ADGRE1: variants seen among roughly 807,000 people sequenced by gnomAD.
The protein encoded by ADGRE1 is EGF-like module receptor 1.
A neutral mutation model predicts 102.7 loss-of-function variants in ADGRE1; 82 were observed. That is an observed-to-expected ratio of 0.80 (90% CI 0.67 to 0.96). ADGRE1 has a LOEUF of 0.96. ADGRE1 is among the 40% of genes least tolerant of loss of function. ADGRE1 has a pLI of 0.00. For synonymous variants in ADGRE1, 398 were observed against 399.6 expected, an observed-to-expected ratio of 1.00 and a Z score of 0.05; for missense variants, 1,032 against 1,085.3, an observed-to-expected ratio of 0.95 and a Z score of 0.69.
intron 17 of ADGRE1, among the ~76,000 whole-genome samples, chr19:6,929,036 T>G (rs1433407029): frequency 6.6e-6 from 1 of 152,154 alleles, no homozygotes; most frequent in Non-Finnish European, 1.5e-5. Context: ...TGTTTTTCCT[T>G]CTGAAAGGCA....
intron 5 of ADGRE1, 148 bp from the exon 6 acceptor site, chr19:6,901,727 G>A (rs747787708): frequency 1.2e-6 from 1 of 843,960 alleles, no homozygotes; most frequent in Non-Finnish European, 1.9e-6. Flanking sequence ...GTCCCACTGT[G>A]TGCCTGGGAA....
In ADGRE1 at chr19:6,887,715, G is replaced by C. The variant is rs150710452; in HGVS notation, c.31+76G>C. On this transcript the variant is annotated intron_variant, in intron 1 of 20. Coordinates refer to ENST00000312053, the MANE Select transcript of ADGRE1 (RefSeq NM_001974.5). ...ACTTCAGGAGAAATGGGAGGGCCAT[G>C]GATGGTCCAGCCAAGAGATCATAAG... is the stretch of plus-strand genomic sequence containing the variant. The C allele has an allele frequency of 1.4e-4, 209 of 1,496,064 alleles. No homozygotes were observed. In the East Asian group the frequency reaches 3.4e-3, roughly 24 times the overall value. The allele number at this position is 1,496,064 out of a possible 1,614,324, so 92.7% of individuals were successfully genotyped here.
At chr19:6,905,234 G>A (rs572755763) in intron 8 of ADGRE1, among the ~76,000 whole-genome samples, 57 of 152,234 alleles carry the variant, frequency 3.7e-4, no homozygotes, top group Admixed American at 1.6e-3. Flanking sequence ...TGTAGTCCTA[G>A]CTACTCAGGA....
At chr19:6,934,896 C>A (rs1026674621) in intron 17 of ADGRE1, 91 bp from the exon 18 acceptor site, 7 of 821,498 alleles carry the variant, frequency 8.5e-6, no homozygotes, top group Non-Finnish European at 1.2e-5. Flanking sequence ...CGTGAGCCAC[C>A]ACGCCCAGCC....
chr19:6,932,283 A>G (rs938557889), intron 17 of ADGRE1, among the ~76,000 whole-genome samples: 2 of 151,986 alleles, frequency 1.3e-5, no homozygotes, highest in African/African-American at 2.4e-5. Flanking sequence ...CCTGGCTAAC[A>G]TGGTGAAACC....
intron 5 of ADGRE1, among the ~76,000 whole-genome samples, chr19:6,899,910 G>A (rs1299788849): frequency 6.6e-6 from 1 of 151,486 alleles, no homozygotes. Context: ...GGCTAACAAG[G>A]TGAAACCCCG....
chr19:6,892,775 C>T (rs1438557722), intron 2 of ADGRE1, among the ~76,000 whole-genome samples: 3 of 152,130 alleles, frequency 2.0e-5, no homozygotes, highest in East Asian at 1.9e-4. Flanking sequence ...GATTGCTATT[C>T]GGCCATAAAA....
intron 5 of ADGRE1, among the ~76,000 whole-genome samples, chr19:6,899,180 T>G (rs1256636204): frequency 6.6e-6 from 1 of 152,186 alleles, no homozygotes; most frequent in African/African-American, 2.4e-5. Context: ...TGCACTTGTC[T>G]CCAGACCGAT....
intron 16 of ADGRE1, 73 bp from the exon 17 acceptor site, chr19:6,928,072 T>G: frequency 2.0e-6 from 3 of 1,525,842 alleles, no homozygotes; most frequent in Non-Finnish European, 2.6e-6. Context: ...CACTAGGGCA[T>G]TTGTTGGGAC....
intron 1 of ADGRE1, among the ~76,000 whole-genome samples, chr19:6,889,826 G>T (rs542049705): frequency 6.6e-6 from 1 of 151,382 alleles, no homozygotes; most frequent in African/African-American, 2.4e-5. Flanking sequence ...AAAAGAGTAA[G>T]CTTAAAAAGA....
intron 2 of ADGRE1, among the ~76,000 whole-genome samples, chr19:6,891,707 C>T (rs1973382454): frequency 6.6e-6 from 1 of 152,102 alleles, no homozygotes; most frequent in Non-Finnish European, 1.5e-5. Flanking sequence ...CCCCAGCCTT[C>T]CGAAGTGCTG....
intron 16 of ADGRE1, among the ~76,000 whole-genome samples, chr19:6,927,732 G>A (rs1187894617): frequency 2.0e-5 from 3 of 152,042 alleles, no homozygotes; most frequent in Non-Finnish European, 2.9e-5. Flanking sequence ...CGTGATCTCA[G>A]CTCACTGCAA....
At chr19:6,911,211 A>G (rs2144940123) in intron 10 of ADGRE1, among the ~76,000 whole-genome samples, 1 of 152,136 alleles carries the variant, frequency 6.6e-6, no homozygotes, top group Middle Eastern at 3.4e-3. Context: ...TATCTCTCAA[A>G]TGTCCCGCTT....
In ADGRE1 at chr19:6,896,522, T is replaced by C. The variant is rs752991919; in HGVS notation, c.219T>C (p.Asp73=). Residue 73 remains aspartate (D), a synonymous_variant, in exon 3 of 21, where the codon GAT becomes GAC. Coordinates refer to ENST00000312053, the MANE Select transcript of ADGRE1 (RefSeq NM_001974.5). ...GCAATGGGCAAAATCACTTCAAGGA[T>C]CCAGGAGTGCGATGCAAAGGTGAGT... The part of the protein sequence containing the change: ...LSSNGQNHFK[D]PGVRCKDIDE... 3.1e-6 allele frequency: 5 copies of C among 1,614,020 alleles called. No homozygotes were observed. Among genetic ancestry groups the C allele is most frequent in the Non-Finnish European group, 4.2e-6 (5 of 1,179,962 alleles).
chr19:6,913,292 C>G (rs540066261), intron 10 of ADGRE1, among the ~76,000 whole-genome samples: 1 of 152,248 alleles, frequency 6.6e-6, no homozygotes, highest in Non-Finnish European at 1.5e-5. Flanking sequence ...GATTCTCCTG[C>G]CTCAGCCTCC....
intron 10 of ADGRE1, 65 bp downstream of exon 10, chr19:6,908,837 G>C: frequency 6.7e-7 from 1 of 1,484,688 alleles, no homozygotes; most frequent in Non-Finnish European, 9.2e-7. Flanking sequence ...TTTGGGTGCA[G>C]AAAGATGTCT....
At chr19:6,888,997 G>T (rs922425276) in intron 1 of ADGRE1, among the ~76,000 whole-genome samples, 2 of 152,064 alleles carry the variant, frequency 1.3e-5, no homozygotes, top group African/African-American at 2.4e-5. Flanking sequence ...GATGAAAATG[G>T]TGATGATGAT....
intron 5 of ADGRE1, chr19:6,898,756 G>A (rs897119224): frequency 1.7e-6 from 1 of 599,336 alleles, no homozygotes; most frequent in Non-Finnish European, 2.9e-6. Context: ...GACCATATGA[G>A]AAAGGGATTT....
intron 2 of ADGRE1, among the ~76,000 whole-genome samples, chr19:6,894,163 C>T (rs1310234947): frequency 6.6e-6 from 1 of 152,152 alleles, no homozygotes; most frequent in Non-Finnish European, 1.5e-5. Flanking sequence ...TCCTCCTTCG[C>T]CATGGACCAT....
Sources: gnomAD v4.1 joint callset for allele counts (sites outside exome capture counted in the v4.1 genomes callset) on GRCh38, gnomAD v4.1.1 for gene constraint, MANE v1.5 for transcripts, NCBI Gene and HGNC (gene_info 2026-07-23, HGNC 2026-07-21) for gene names.